FAM118A: variants seen among roughly 807,000 people sequenced by gnomAD.
The protein encoded by FAM118A is protein FAM118A.
Under a neutral mutation model 38.2 loss-of-function variants are expected in FAM118A, and 25 were observed. The ratio of observed to expected loss-of-function variants is 0.65; its 90% confidence interval spans 0.48 to 0.91. FAM118A has a LOEUF of 0.91. FAM118A is among the 40% of genes least tolerant of loss of function. FAM118A has a pLI of 0.00. For missense variants in FAM118A, 425 were observed against 463.3 expected, an observed-to-expected ratio of 0.92 and a Z score of 0.76; for synonymous variants, 178 against 184.1, an observed-to-expected ratio of 0.97 and a Z score of 0.27.
At chr22:45,311,377 C>G (rs1327808767) in intron 1 of FAM118A, among the ~76,000 whole-genome samples, 1 of 152,144 alleles carries the variant, frequency 6.6e-6, no homozygotes, top group Non-Finnish European at 1.5e-5. Context: ...CCCACCGTGC[C>G]CTTGGCCCTT....
At chr22:45,332,307 GC>G (rs1435474557) in intron 5 of FAM118A, 117 bp from the exon 6 acceptor site, 2 of 1,054,964 alleles carry the variant, frequency 1.9e-6, no homozygotes, top group Non-Finnish European at 2.8e-6. Context: ...CCTCAGCGTG[GC>G]CCTGGGAACG....
At chr22:45,314,128 C>T (rs1219097176) in intron 1 of FAM118A, among the ~76,000 whole-genome samples, 1 of 152,172 alleles carries the variant, frequency 6.6e-6, no homozygotes, top group East Asian at 1.9e-4. Context: ...CCCCAAGGAG[C>T]CTGCAGCATC....
chr22:45,317,814 T>A (rs2084672131), intron 1 of FAM118A, among the ~76,000 whole-genome samples: 1 of 152,188 alleles, frequency 6.6e-6, no homozygotes, highest in Admixed American at 6.5e-5. Context: ...AGGCCAGAGC[T>A]CTGCAGGGCA....
At chr22:45,324,096 G>C (rs2085080725) in intron 3 of FAM118A, among the ~76,000 whole-genome samples, 1 of 152,246 alleles carries the variant, frequency 6.6e-6, no homozygotes, top group Non-Finnish European at 1.5e-5. Context: ...CACCATCTGA[G>C]AGTCAGGACG....
At chr22:45,323,066 TG>T in intron 2 of FAM118A, 108 bp from the exon 3 acceptor site, 2 of 1,130,516 alleles carry the variant, frequency 1.8e-6, no homozygotes, top group Non-Finnish European at 2.6e-6. Flanking sequence ...TGTGTGTGTG[TG>T]TGTGTGTGTA....
At chr22:45,339,666 C>G (rs2086344934) in intron 8 of FAM118A, among the ~76,000 whole-genome samples, 1 of 152,146 alleles carries the variant, frequency 6.6e-6, no homozygotes, top group Non-Finnish European at 1.5e-5. Context: ...TTCTGCATAT[C>G]TGGGCTCCTC....
intron 1 of FAM118A, among the ~76,000 whole-genome samples, chr22:45,319,380 G>A (rs1315116386): frequency 6.6e-6 from 1 of 152,210 alleles, no homozygotes. Flanking sequence ...ACTTGAATTA[G>A]CCAGCTGATG....
chr22:45,325,216 G>T (rs1037783329), intron 3 of FAM118A, among the ~76,000 whole-genome samples: 1 of 152,164 alleles, frequency 6.6e-6, no homozygotes, highest in Admixed American at 6.5e-5. Context: ...AATGAGAATC[G>T]TTTGTCTTGA....
intron 7 of FAM118A, 21 bp from the exon 8 acceptor site, chr22:45,336,307 T>C (rs1569156807): frequency 6.3e-7 from 1 of 1,596,542 alleles, no homozygotes; most frequent in South Asian, 1.1e-5. Flanking sequence ...ACAAGCTTCT[T>C]AATAAATTCT....
intron 6 of FAM118A, among the ~76,000 whole-genome samples, chr22:45,333,691 AAG>A (rs1491079515): frequency 2.0e-5 from 3 of 150,346 alleles, no homozygotes; most frequent in South Asian, 2.1e-4. Context: ...AAAAAAAAAA[AAG>A]AGCTGGGTTT....
At chr22:45,333,839 CTAAAAA>C (rs1323128615) in intron 6 of FAM118A, among the ~76,000 whole-genome samples, 2 of 152,008 alleles carry the variant, frequency 1.3e-5, no homozygotes, top group Admixed American at 6.6e-5. Context: ...GACCCTGTCT[CTAAAAA>C]TAAAAAATAC....
intron 8 of FAM118A, chr22:45,337,807 C>T (rs1025454610): frequency 6.1e-6 from 6 of 984,896 alleles, no homozygotes; most frequent in Admixed American, 6.2e-5. Flanking sequence ...AGTGTGGGGT[C>T]GCCTCCTGAG....
At position 45,341,601 on chromosome 22, in the gene FAM118A, G is replaced by A. The variant is rs1208678534; in HGVS notation, c.*1196G>A. 2 of 152,238 alleles carry A rather than the reference G, an allele frequency of 1.3e-5. No homozygotes were observed. Among genetic ancestry groups the A allele is most frequent in the African/African-American group, 2.4e-5 (1 of 41,436 alleles). The allele number at this position is 152,238 out of a possible 1,614,324, so 9.4% of individuals were successfully genotyped here. A position where few individuals can be genotyped will look rare whatever the true frequency, so the allele number is the denominator to read the frequency against. Reference sequence around the variant, plus strand: ...TAAACCTTCTCAGGTTCACCCACATGAAACGGCTGTGCTGAGTGTGCTGCC... The same window carrying A: ...TAAACCTTCTCAGGTTCACCCACATAAAACGGCTGTGCTGAGTGTGCTGCC... On this transcript the variant is annotated 3_prime_UTR_variant, in exon 9 of 9. Transcript: ENST00000441876.
At chr22:45,310,323 C>T (rs1355990344) in intron 1 of FAM118A, 140 bp downstream of exon 1, 4 of 152,046 alleles carry the variant, frequency 2.6e-5, no homozygotes, top group Admixed American at 6.5e-5. Context: ...CCCGAGACCC[C>T]CTCAGGATCC....
chr22:45,332,029 C>G (rs917751012), intron 5 of FAM118A, among the ~76,000 whole-genome samples: 14 of 152,198 alleles, frequency 9.2e-5, no homozygotes, highest in African/African-American at 3.1e-4. Context: ...TTACTGTCCT[C>G]ATTTTGTGTT....
Position 45,314,101 on chromosome 22 carries a change from T to C in FAM118A, c.-10+3918T>C, listed in dbSNP as rs188463130. 3.3e-5 allele frequency among the ~76,000 whole-genome samples: 5 copies of C among 152,346 alleles called. No homozygotes were observed. In the East Asian group the frequency reaches 9.6e-4, roughly 29 times the overall value. ...GATTTGTTGGCCAGGCTGTTGCTGC[T>C]GTATCCTACCTCCTTCCCCCAAGGA... is the stretch of plus-strand genomic sequence containing the variant. On this transcript the variant is annotated intron_variant, in intron 1 of 8. Transcript: ENST00000441876.
At chr22:45,320,828 T>C (rs2084833018) in intron 1 of FAM118A, among the ~76,000 whole-genome samples, 1 of 152,186 alleles carries the variant, frequency 6.6e-6, no homozygotes, top group African/African-American at 2.4e-5. Flanking sequence ...GGTTTGGTGG[T>C]GTGTGCTAAG....
intron 1 of FAM118A, among the ~76,000 whole-genome samples, chr22:45,321,078 A>G (rs957650808): frequency 7.9e-5 from 12 of 152,218 alleles, no homozygotes; most frequent in African/African-American, 2.4e-4. Flanking sequence ...ATGAAAAAGT[A>G]GGATATGCAC....
chr22:45,335,498 T>C, intron 7 of FAM118A, 116 bp downstream of exon 7: 1 of 1,189,160 alleles, frequency 8.4e-7, no homozygotes, highest in Non-Finnish European at 1.2e-6. Flanking sequence ...TTAGCTTGTA[T>C]TAAAACAGCC....
Sources: gnomAD v4.1 joint callset for allele counts (sites outside exome capture counted in the v4.1 genomes callset) on GRCh38, gnomAD v4.1.1 for gene constraint, MANE v1.5 for transcripts, NCBI Gene and HGNC (gene_info 2026-07-23, HGNC 2026-07-21) for gene names.